CUEDC1: variants seen among roughly 807,000 people sequenced by gnomAD.
The protein encoded by CUEDC1 is CUE domain containing 1.
CUEDC1 carries 30 observed loss-of-function variants against 43.7 expected under a neutral mutation model. That is an observed-to-expected ratio of 0.69 (90% confidence interval 0.51 to 0.93). The LOEUF is 0.93. Among genes scored for constraint, CUEDC1 ranks in the 40% least tolerant of loss-of-function variants. The pLI is 0.00. For synonymous variants in CUEDC1, 223 were observed against 223.6 expected (o/e 1.00, Z 0.02); for missense variants, 486 against 549.0 (o/e 0.89, Z 1.15).
chr17:57,896,446 C>T (rs1338858836), intron 1 of CUEDC1, among the ~76,000 whole-genome samples: 1 of 147,118 alleles, frequency 6.8e-6, no homozygotes, highest in Non-Finnish European at 1.5e-5. Flanking sequence ...ATGCAAGGTA[C>T]AAAACAATGA....
chr17:57,919,202 G>A (rs1204536843), intron 1 of CUEDC1, among the ~76,000 whole-genome samples: 1 of 149,834 alleles, frequency 6.7e-6, no homozygotes, highest in African/African-American at 2.5e-5. Flanking sequence ...TTTGTGAGAC[G>A]GAGTTCTGCT....
At chr17:57,908,568 G>A (rs1008126254) in intron 1 of CUEDC1, among the ~76,000 whole-genome samples, 3 of 152,218 alleles carry the variant, frequency 2.0e-5, no homozygotes, top group East Asian at 1.9e-4. Context: ...TTGAGATAAC[G>A]ATATTTAAAG....
rs1010011832 is a variant in CUEDC1 at position 57,938,655 on chromosome 17, A to ATTAT, written c.-316+16566_-316+16569dup. Reference sequence around the variant, plus strand: ...TTTTATTTTTAAATTTTATTTATTTATTATTTATTTATTTATTTATTTTTA... The same window carrying ATTAT: ...TTTTATTTTTAAATTTTATTTATTTATTATTTATTTATTTATTTATTTATTTTTA... On this transcript the variant is annotated intron_variant, in intron 1 of 10. Coordinates refer to ENST00000577830, the MANE Select transcript of CUEDC1 (RefSeq NM_001271875.2). Among the ~76,000 whole-genome samples, 5 of 151,552 alleles carry ATTAT rather than the reference A, an allele frequency of 3.3e-5. No homozygotes were observed. In the South Asian group the frequency reaches 6.2e-4, roughly 19 times the overall value.
At chr17:57,907,437 G>A (rs2074540521) in intron 1 of CUEDC1, among the ~76,000 whole-genome samples, 2 of 152,130 alleles carry the variant, frequency 1.3e-5, no homozygotes, top group Non-Finnish European at 2.9e-5. Context: ...CCACAGACGG[G>A]AGCATGCTCC....
chr17:57,906,015 A>C, intron 1 of CUEDC1, among the ~76,000 whole-genome samples: 1 of 152,382 alleles, frequency 6.6e-6, no homozygotes, highest in East Asian at 1.9e-4. Context: ...TGAAAAAGAT[A>C]GTGAAACACA....
intron 10 of CUEDC1, among the ~76,000 whole-genome samples, chr17:57,863,931 G>A (rs1049844344): frequency 8.0e-5 from 12 of 150,906 alleles, no homozygotes; most frequent in African/African-American, 2.9e-4. Context: ...AACTTGAGAA[G>A]GGGAGGTTGC....
intron 7 of CUEDC1, 124 bp downstream of exon 7, chr17:57,868,998 A>C: frequency 1.1e-6 from 1 of 942,374 alleles, no homozygotes; most frequent in Non-Finnish European, 1.6e-6. Context: ...CTGCGATGAA[A>C]ATGTCACTGG....
At chr17:57,927,653 T>C (rs532097767) in intron 1 of CUEDC1, among the ~76,000 whole-genome samples, 1 of 152,198 alleles carries the variant, frequency 6.6e-6, no homozygotes, top group Non-Finnish European at 1.5e-5. Flanking sequence ...AAGAGGTATG[T>C]CAGGGGATCT....
chr17:57,865,357 C>G (rs1186558786), intron 10 of CUEDC1, among the ~76,000 whole-genome samples: 1 of 152,150 alleles, frequency 6.6e-6, no homozygotes, highest in African/African-American at 2.4e-5. Context: ...GGCCAGCTGC[C>G]CAGGCAGAGA....
intron 6 of CUEDC1, among the ~76,000 whole-genome samples, chr17:57,869,562 G>C (rs2074008424): frequency 6.6e-6 from 1 of 152,168 alleles, no homozygotes; most frequent in South Asian, 2.1e-4. Context: ...GCTGCACCCA[G>C]AGTTGGCTGT....
intron 1 of CUEDC1, among the ~76,000 whole-genome samples, chr17:57,891,950 G>A (rs930667124): frequency 1.3e-5 from 2 of 152,200 alleles, no homozygotes; most frequent in Admixed American, 1.3e-4. Context: ...CTCCATGAAG[G>A]CAGGGGCTTT....
intron 1 of CUEDC1, among the ~76,000 whole-genome samples, chr17:57,924,383 C>T (rs1488416734): frequency 6.6e-6 from 1 of 152,172 alleles, no homozygotes. Context: ...GGATTATAGG[C>T]GTGAGCCACC....
chr17:57,952,283 A>G (rs1236366454), intron 1 of CUEDC1, among the ~76,000 whole-genome samples: 1 of 151,146 alleles, frequency 6.6e-6, no homozygotes, highest in African/African-American at 2.4e-5. Context: ...TTGGAGTGCA[A>G]TGGCACAACT....
chr17:57,875,244 CT>C (rs1356807635), intron 3 of CUEDC1, among the ~76,000 whole-genome samples: 4 of 152,222 alleles, frequency 2.6e-5, no homozygotes, highest in African/African-American at 4.8e-5. Flanking sequence ...GGGTCTTCAT[CT>C]GGGACATGGG....
At chr17:57,902,486 T>C (rs112981323) in intron 1 of CUEDC1, among the ~76,000 whole-genome samples, 27 of 152,344 alleles carry the variant, frequency 1.8e-4, no homozygotes, top group African/African-American at 5.1e-4. Context: ...TTGAGATTCA[T>C]GCTACCTTTG....
chr17:57,867,283 A>C, intron 9 of CUEDC1, 74 bp downstream of exon 9: 1 of 1,423,790 alleles, frequency 7.0e-7, no homozygotes, highest in East Asian at 2.5e-5. Flanking sequence ...TGCTCCCATG[A>C]AACACCCAGG....
At chr17:57,866,986 G>A (rs1010813670) in intron 9 of CUEDC1, 5 of 375,184 alleles carry the variant, frequency 1.3e-5, no homozygotes, top group African/African-American at 6.1e-5. Flanking sequence ...GGTGAAAGTT[G>A]AGAAGCCTCT....
intron 1 of CUEDC1, among the ~76,000 whole-genome samples, chr17:57,921,266 C>A (rs181709562): frequency 8.0e-4 from 122 of 152,302 alleles, no homozygotes; most frequent in African/African-American, 2.7e-3. Context: ...CCCTTCCCCT[C>A]TCAGGGACCA....
chr17:57,876,499 ACAGG>A (rs1415140126), intron 3 of CUEDC1, among the ~76,000 whole-genome samples: 1 of 152,152 alleles, frequency 6.6e-6, no homozygotes, highest in Non-Finnish European at 1.5e-5. Flanking sequence ...GTGTGGGCAA[ACAGG>A]CAGCACCGTA....
Sources: gnomAD v4.1 joint callset for allele counts (sites outside exome capture counted in the v4.1 genomes callset) on GRCh38, gnomAD v4.1.1 for gene constraint, MANE v1.5 for transcripts, NCBI Gene and HGNC (gene_info 2026-07-23, HGNC 2026-07-21) for gene names.